Variants in MAP4 observed in about 807,000 individuals in gnomAD.
MAP4 encodes the protein microtubule associated protein 4.
A neutral mutation model predicts 170.2 loss-of-function variants in MAP4; 76 were observed. That is an observed-to-expected ratio of 0.45 (90% CI 0.37 to 0.54). The LOEUF (loss-of-function observed/expected upper bound fraction) is 0.54. MAP4 is among the 20% of genes least tolerant of loss of function. The pLI, the probability that MAP4 is intolerant of heterozygous loss-of-function variation, is 0.00. For missense variants in MAP4, 2,506 were observed against 2,748.0 expected (o/e 0.91, Z 1.97); for synonymous variants, 909 against 994.5 (o/e 0.91, Z 1.62).
intron 10 of MAP4, among the ~76,000 whole-genome samples, chr3:47,882,318 A>G (rs1158830341): frequency 6.6e-6 from 1 of 152,002 alleles, no homozygotes; most frequent in Non-Finnish European, 1.5e-5. Context: ...TAAAATAATT[A>G]CTGCTATGTT....
At chr3:47,863,096 C>T (rs1263553767) in intron 17 of MAP4, among the ~76,000 whole-genome samples, 1 of 152,088 alleles carries the variant, frequency 6.6e-6, no homozygotes, top group Admixed American at 6.6e-5. Flanking sequence ...CTTGCTTCAG[C>T]CTCCAGAGTA....
chr3:47,918,940 T>C, intron 5 of MAP4, 99 bp from the exon 6 acceptor site: 1 of 1,068,680 alleles, frequency 9.4e-7, no homozygotes, highest in Non-Finnish European at 1.3e-6. Context: ...TTGTTTGTTT[T>C]TTTTTTGAGA....
At chr3:48,040,003 A>T (rs2100120815) in intron 1 of MAP4, among the ~76,000 whole-genome samples, 1 of 152,206 alleles carries the variant, frequency 6.6e-6, no homozygotes, top group Admixed American at 6.5e-5. Context: ...TTGCCCAGTC[A>T]TTGGCTCTAT....
Position 47,857,414 on chromosome 3 carries a change from A to C in MAP4, c.6583+17T>G. 1 of 1,610,518 alleles carries C rather than the reference A, an allele frequency of 6.2e-7. No homozygotes were observed. The highest frequency in any genetic ancestry group is 1.7e-5 in the Admixed American group (1 of 60,004). ...ACATACCCTGGAGACCCAGTGGGCA[A>C]GGGAGGCACCACTCACCAGGCTTGT... is the stretch of plus-strand genomic sequence containing the variant. On this transcript the variant is annotated intron_variant, in intron 18 of 20. Coordinates refer to ENST00000683076, the MANE Select transcript of MAP4 (RefSeq NM_001385682.1).
intron 1 of MAP4, among the ~76,000 whole-genome samples, chr3:48,007,069 CT>C (rs1015160276): frequency 3.3e-5 from 5 of 152,346 alleles, no homozygotes; most frequent in African/African-American, 1.2e-4. Context: ...TTGGAGAGAT[CT>C]TGATCGCTTT....
In MAP4 at chr3:47,911,907, G is replaced by A. The variant is rs997178473; in HGVS notation, c.2514C>T (p.Asn838=). 20 of 1,535,978 alleles carry A rather than the reference G, an allele frequency of 1.3e-5. No homozygotes were observed. The highest frequency in any genetic ancestry group is 2.0e-5 in the Admixed American group (1 of 50,984). The change falls in exon 9 of 21, where the codon AAC becomes AAT. Residue 838 remains asparagine, a synonymous_variant. Coordinates refer to ENST00000683076, the MANE Select transcript of MAP4 (RefSeq NM_001385682.1). The surrounding 1 kb of genome is among the most constrained non-coding windows in gnomAD (Gnocchi z 4.0). ...CAGCTACCAGTCTGGCTGCACTGGA[G>A]TTAACTAAACATTCCCTTTTCAAGT... The part of the protein sequence containing the change: ...GENLKRECLV[N]SSAARLVAEN...
chr3:48,019,342 T>C (rs959522577), upstream of MAP4, among the ~76,000 whole-genome samples: 1 of 151,980 alleles, frequency 6.6e-6, no homozygotes, highest in Non-Finnish European at 1.5e-5. Flanking sequence ...ACCACATCTC[T>C]GAGGGACAGA....
At chr3:47,929,372 CAACGTGGTATTGGAACAGAACAGGTTCAG>C in intron 3 of MAP4, among the ~76,000 whole-genome samples, 1 of 151,934 alleles carries the variant, frequency 6.6e-6, no homozygotes, top group South Asian at 2.1e-4. Context: ...ATGGTATTGA[CAACGTGGTATTGGAACAGAACAGGTTCAG>C]AACGTGGTAC....
At position 47,909,236 on chromosome 3, in the gene MAP4, T is replaced by C. The variant is rs375410028; in HGVS notation, c.5185A>G (p.Lys1729Glu). 64 of 1,613,742 alleles carry C rather than the reference T, an allele frequency of 4.0e-5. No individual in the cohort carries two copies. Among genetic ancestry groups the C allele is most frequent in the Non-Finnish European group, 5.1e-5 (60 of 1,179,856 alleles). Residue 1729 changes from lysine (K) to glutamate (E), a missense_variant, in exon 9 of 21, where the codon AAG (lysine) becomes GAG (glutamate). Physicochemically the swap from Lys to Glu is moderately conservative, Grantham distance 56. Around this residue, in one of 3 missense-constraint regions of MAP4, gnomAD observed 2,008 missense variants for 2,206.0 expected, o/e 0.91. Coordinates refer to ENST00000683076, the MANE Select transcript of MAP4 (RefSeq NM_001385682.1). ...KGVRLPEPKD[K>E]ILETPQKMTE... ...ATTTTCTGAGGTGTCTCCAAAATCT[T>C]ATCTTTGGGTTCTGGGAGTCGAACA...
chr3:47,905,770 G>C (rs1279972916), intron 9 of MAP4, among the ~76,000 whole-genome samples: 2 of 151,922 alleles, frequency 1.3e-5, no homozygotes, highest in East Asian at 3.8e-4. Flanking sequence ...GAGGCAAGTG[G>C]ATCGCCTAAG....
chr3:47,951,107 A>T (rs2100063450), intron 3 of MAP4, among the ~76,000 whole-genome samples: 1 of 152,204 alleles, frequency 6.6e-6, no homozygotes, highest in African/African-American at 2.4e-5. Flanking sequence ...TTAATTTATA[A>T]AGGTTTTAAA....
intron 1 of MAP4, among the ~76,000 whole-genome samples, chr3:48,021,484 A>G (rs2100110538): frequency 1.3e-5 from 2 of 152,092 alleles, no homozygotes; most frequent in Admixed American, 6.6e-5. Flanking sequence ...AATAGCTGGG[A>G]CCACAGGCGT....
intron 1 of MAP4, among the ~76,000 whole-genome samples, chr3:48,004,009 T>C (rs1293677660): frequency 6.6e-6 from 1 of 152,220 alleles, no homozygotes; most frequent in East Asian, 1.9e-4. Context: ...CTCCTCAGCT[T>C]GCAGACAGCC....
At chr3:47,877,373 T>A in intron 11 of MAP4, 44 bp downstream of exon 11, 1 of 1,443,274 alleles carries the variant, frequency 6.9e-7, no homozygotes, top group Non-Finnish European at 9.8e-7. Context: ...ATACTCCGTT[T>A]AAAAATTATG....
At chr3:48,060,950 T>G in intron 1 of MAP4, among the ~76,000 whole-genome samples, 1 of 151,914 alleles carries the variant, frequency 6.6e-6, no homozygotes, top group East Asian at 1.9e-4. Flanking sequence ...GTACACGCCA[T>G]TCTCCTGCCT....
At chr3:48,025,903 A>AAATAATAATAATAATAATAAT (rs10645414) in intron 1 of MAP4, among the ~76,000 whole-genome samples, 91 of 140,256 alleles carry the variant, frequency 6.5e-4, no homozygotes, top group East Asian at 8.4e-4. Flanking sequence ...TCTGCCTCAA[A>AAATAATAATAATAATAATAAT]AATAATAATA....
chr3:48,049,830 C>T (rs1056541509), intron 1 of MAP4, among the ~76,000 whole-genome samples: 7 of 150,572 alleles, frequency 4.6e-5, no homozygotes, highest in South Asian at 2.1e-4. Flanking sequence ...CCCAGCTACT[C>T]GGGAGGCTGA....
Position 47,977,883 on chromosome 3 carries a change from C to T in MAP4, c.274G>A (p.Glu92Lys), listed in dbSNP as rs1280073736. ...TLLANGGHGV[E>K]GSDTTGSPTE... is the part of the protein sequence containing the mutation. Reference sequence around the variant, plus strand: ...CACTTACCTGTAGTATCGCTCCCTTCTACTCCATGACCACCATTGGCTAGG... The same window carrying T: ...CACTTACCTGTAGTATCGCTCCCTTTTACTCCATGACCACCATTGGCTAGG... Residue 92 changes from glutamate to lysine, a missense_variant, in exon 3 of 21, where the codon GAA becomes AAA. This residue lies in a region of MAP4 where 2,008 missense variants were observed against 2,206.0 expected (regional missense o/e 0.91). Transcript: ENST00000683076. The T allele has an allele frequency of 6.2e-7, 1 of 1,612,672 alleles. No homozygotes were observed. The highest frequency in any genetic ancestry group is 1.3e-5 in the African/African-American group (1 of 74,918).
intron 8 of MAP4, among the ~76,000 whole-genome samples, chr3:47,914,587 CA>C (rs2100037615): frequency 6.7e-6 from 1 of 149,178 alleles, no homozygotes; most frequent in Non-Finnish European, 1.5e-5. Flanking sequence ...ACAAAAAAAA[CA>C]GTGGAGAAAA....
Sources: gnomAD v4.1 joint callset for allele counts (sites outside exome capture counted in the v4.1 genomes callset) on GRCh38, gnomAD v4.1.1 for gene constraint, gnomAD v4.1.1 regional missense constraint, Gnocchi (gnomAD v3.1) non-coding constraint, MANE v1.5 for transcripts, NCBI Gene and HGNC (gene_info 2026-07-23, HGNC 2026-07-21) for gene names.